Variants in TENM3 observed in about 807,000 individuals in gnomAD.
The protein encoded by TENM3 is teneurin transmembrane protein 3, also known as teneurin-3.
TENM3 carries 63 observed loss-of-function variants against 255.1 expected under a neutral mutation model. The ratio of observed to expected loss-of-function variants is 0.25; its 90% confidence interval spans 0.20 to 0.30. The LOEUF (loss-of-function observed/expected upper bound fraction) is 0.30. Ranked by LOEUF, TENM3 falls within the 10% of genes least tolerant of loss-of-function variation. The pLI is 1.00. For synonymous variants in TENM3, 1,306 were observed against 1,322.3 expected (o/e 0.99, Z 0.27); for missense variants, 2,929 against 3,461.1 (o/e 0.85, Z 3.86).
In TENM3 at chr4:182,792,760, A is replaced by C. The variant is rs1766208297; in HGVS notation, c.6088A>C (p.Met2030Leu). Residue 2030 changes from methionine (M) to leucine (L), a missense_variant, in exon 26 of 28, where the codon ATG (methionine) becomes CTG (leucine). By Grantham distance (15) the Met-to-Leu change is conservative (BLOSUM62 2). Transcript: ENST00000511685. The surrounding 1 kb of genome is among the most constrained non-coding windows in gnomAD (Gnocchi z 6.3). ...TGACAACAGCTTTCGAGTGACCAGC[A>C]TGCAGGGTGTGATCAATGAAACGCC... ...SYDNSFRVTS[M>L]QGVINETPLP... 6.2e-7 allele frequency: 1 copy of C among 1,613,874 alleles called. No homozygotes were observed. Among genetic ancestry groups the C allele is most frequent in the South Asian group, 1.1e-5 (1 of 91,086 alleles).
intron 3 of TENM3, among the ~76,000 whole-genome samples, chr4:182,541,225 A>T (rs755920306): frequency 6.6e-6 from 1 of 152,176 alleles, no homozygotes; most frequent in Non-Finnish European, 1.5e-5. Flanking sequence ...GGAACATCTA[A>T]CATGACTTAA....
chr4:181,747,234 C>T, the TENM3 span, among the ~76,000 whole-genome samples: 2 of 152,022 alleles, frequency 1.3e-5, no homozygotes, highest in African/African-American at 4.8e-5. Context: ...ATTTCATCCC[C>T]TTTTTATTTG....
intron 2 of TENM3, among the ~76,000 whole-genome samples, chr4:182,342,512 G>A (rs993498522): frequency 1.3e-5 from 2 of 152,138 alleles, no homozygotes; most frequent in African/African-American, 4.8e-5. Flanking sequence ...GGTATAAGGT[G>A]TCTTTTTAGG....
chr4:182,409,445 T>G lies in TENM3; in HGVS notation c.511+62516T>G, dbSNP rs191293782. ...CCTCCTGGTCTCATTTTAACTGTAATAGCCCCAGGAGCTTTGGCTGCGGTA... is the reference window on the plus strand; with the variant it reads ...CCTCCTGGTCTCATTTTAACTGTAAGAGCCCCAGGAGCTTTGGCTGCGGTA... On this transcript the variant is annotated intron_variant, in intron 3 of 27. Coordinates refer to ENST00000511685, the MANE Select transcript of TENM3 (RefSeq NM_001080477.4). 1.6e-3 allele frequency among the ~76,000 whole-genome samples: 245 copies of G among 152,346 alleles called. 1 individual carries two copies. Among genetic ancestry groups the G allele is most frequent in the Non-Finnish European group, 1.9e-3 (132 of 68,040 alleles).
chr4:182,220,671 G>T (rs984341851), intron 1 of TENM3, among the ~76,000 whole-genome samples: 11 of 152,142 alleles, frequency 7.2e-5, no homozygotes, highest in African/African-American at 2.4e-4. Context: ...CTTATGGATG[G>T]AAAGTTTAGG....
At chr4:182,036,403 C>A in the TENM3 span, among the ~76,000 whole-genome samples, 1 of 152,106 alleles carries the variant, frequency 6.6e-6, no homozygotes, top group Non-Finnish European at 1.5e-5. Flanking sequence ...GTTGGCCAGG[C>A]TGGTCTGGAA....
the TENM3 span, among the ~76,000 whole-genome samples, chr4:181,824,754 G>A: frequency 6.6e-6 from 1 of 151,144 alleles, no homozygotes; most frequent in Non-Finnish European, 1.5e-5. Context: ...TACAACAATG[G>A]AAAAAAAATC....
the TENM3 span, among the ~76,000 whole-genome samples, chr4:181,792,612 T>G: frequency 6.6e-6 from 1 of 152,234 alleles, no homozygotes; most frequent in Non-Finnish European, 1.5e-5. Flanking sequence ...CAATTATTTA[T>G]GAGTAATCTG....
chr4:181,949,801 C>T, the TENM3 span, among the ~76,000 whole-genome samples: 1 of 152,124 alleles, frequency 6.6e-6, no homozygotes, highest in South Asian at 2.1e-4. Flanking sequence ...CTCCTCAGTC[C>T]TCCTCTCAAG....
intron 1 of TENM3, among the ~76,000 whole-genome samples, chr4:182,303,192 C>A (rs145101227): frequency 6.6e-6 from 1 of 151,996 alleles, no homozygotes; most frequent in African/African-American, 2.4e-5. Flanking sequence ...TTAAACATAG[C>A]TTGTTGAAAT....
intron 11 of TENM3, among the ~76,000 whole-genome samples, chr4:182,684,777 G>A (rs182902082): frequency 1.3e-5 from 2 of 152,242 alleles, no homozygotes; most frequent in African/African-American, 4.8e-5. Context: ...GCAGTGATTG[G>A]ACATGGTTCC....
chr4:182,141,226 G>C (rs937061490), upstream of TENM3: 6 of 152,264 alleles, frequency 3.9e-5, no homozygotes, highest in Non-Finnish European at 8.8e-5. Flanking sequence ...TTTGCTGAGA[G>C]CGGCCAGAGG....
chr4:181,606,114 T>C, the TENM3 span, among the ~76,000 whole-genome samples: 1 of 152,184 alleles, frequency 6.6e-6, no homozygotes, highest in Non-Finnish European at 1.5e-5. Flanking sequence ...TTACATCCTA[T>C]ATACACCTGC....
chr4:182,228,711 TA>T (rs1325790552), intron 1 of TENM3, among the ~76,000 whole-genome samples: 5 of 152,262 alleles, frequency 3.3e-5, no homozygotes, highest in Non-Finnish European at 7.4e-5. Flanking sequence ...TATTCACAGT[TA>T]TTTTTTTAGG....
intron 3 of TENM3, among the ~76,000 whole-genome samples, chr4:182,432,849 G>GGTGTGTGTGTGTATGTGTGTGTGT (rs1771764400): frequency 7.0e-6 from 1 of 142,976 alleles, no homozygotes; most frequent in South Asian, 2.4e-4. Context: ...AATGGATTTG[G>GGTGTGTGTGTGTATGTGTGTGTGT]GTGTGTGTGT....
chr4:182,086,742 T>G, the TENM3 span, among the ~76,000 whole-genome samples: 2 of 152,204 alleles, frequency 1.3e-5, no homozygotes, highest in African/African-American at 4.8e-5. Context: ...CTACTTAATC[T>G]TTTGTTTTCT....
chr4:181,818,507 C>CT, the TENM3 span, among the ~76,000 whole-genome samples: 5 of 151,956 alleles, frequency 3.3e-5, no homozygotes, highest in Non-Finnish European at 7.4e-5. Context: ...CAGTAAATCT[C>CT]TTTTTTATTT....
At chr4:181,627,195 G>T in the TENM3 span, among the ~76,000 whole-genome samples, 2 of 152,066 alleles carry the variant, frequency 1.3e-5, no homozygotes, top group Admixed American at 6.6e-5. Context: ...TTAATATATG[G>T]GGTGCAGAAA....
chr4:182,112,339 C>T, the TENM3 span, among the ~76,000 whole-genome samples: 1 of 152,152 alleles, frequency 6.6e-6, no homozygotes, highest in African/African-American at 2.4e-5. Flanking sequence ...CGTTTTCCCT[C>T]CCCTCATCAC....
Sources: allele counts gnomAD v4.1 joint callset (sites outside exome capture counted in the v4.1 genomes callset), GRCh38; gene constraint gnomAD v4.1.1; non-coding constraint Gnocchi (gnomAD v3.1); transcripts MANE v1.5; gene names NCBI Gene and HGNC (gene_info 2026-07-23, HGNC 2026-07-21).